Variants in PLCD3 observed in about 807,000 individuals in gnomAD.
PLCD3 encodes the protein 1-phosphatidylinositol 4,5-bisphosphate phosphodiesterase delta-3.
PLCD3 carries 62 observed loss-of-function variants against 82.8 expected under a neutral mutation model. The ratio of observed to expected loss-of-function variants is 0.75; its 90% CI spans 0.61 to 0.93. The LOEUF (loss-of-function observed/expected upper bound fraction) is 0.93. PLCD3 is among the 40% of genes least tolerant of loss of function. The pLI is 0.00. For synonymous variants in PLCD3, 478 were observed against 471.8 expected (o/e 1.01, Z -0.17); for missense variants, 1,023 against 1,103.4 (o/e 0.93, Z 1.03).
chr17:45,121,329 G>C lies in PLCD3; in HGVS notation c.207C>G (p.Ser69=). 6.4e-7 allele frequency: 1 copy of C among 1,556,448 alleles called. No homozygotes were observed. The highest frequency in any genetic ancestry group is 8.6e-7 in the Non-Finnish European group (1 of 1,159,814). Reference sequence around the variant, plus strand: ...TGCGCGAGCGGATCTTGCGGAGCCGGGAGCCCCGCAGCATGGCGCGCACGT... The same window carrying C: ...TGCGCGAGCGGATCTTGCGGAGCCGCGAGCCCCGCAGCATGGCGCGCACGT... ...DEDVRAMLRG[S]RLRKIRSRTW... is the part of the protein sequence containing the mutation. The change falls in exon 2 of 15, where the codon TCC becomes TCG. Residue 69 remains serine, a synonymous_variant. Coordinates refer to ENST00000619929, the MANE Select transcript of PLCD3 (RefSeq NM_133373.5).
In PLCD3 at chr17:45,118,878, C is replaced by T. The variant is rs751386305; in HGVS notation, c.850G>A (p.Glu284Lys). The T allele has an allele frequency of 3.7e-6, 6 of 1,612,186 alleles. No individual in the cohort carries two copies. The African/African-American group carries it at 5.3e-5, about 14-fold the overall frequency. The change falls in exon 5 of 15, where the codon GAG (glutamate) becomes AAG (lysine). Residue 284 changes from glutamate to lysine, a missense_variant. Coordinates refer to ENST00000619929, the MANE Select transcript of PLCD3 (RefSeq NM_133373.5). This position sits in a 1 kb window ranked among gnomAD's most constrained non-coding sequence, Gnocchi z 4.1. ...ELLEFLEDQGEEGATLARAQQ... is the reference protein window; with the variant it reads ...ELLEFLEDQGKEGATLARAQQ... ...GCGCGGGCCAGTGTGGCGCCCTCCT[C>T]GCCCTGGTCCTCCAGGAACTCCAGC...
intron 4 of PLCD3, among the ~76,000 whole-genome samples, chr17:45,119,979 C>A (rs1178895226): frequency 2.6e-5 from 4 of 152,258 alleles, no homozygotes; most frequent in Non-Finnish European, 4.4e-5. Flanking sequence ...TGTATCCGTG[C>A]ACATGCACAC....
chr17:45,114,518 G>A (rs1567877703), intron 10 of PLCD3, 152 bp from the exon 11 acceptor site: 3 of 574,978 alleles, frequency 5.2e-6, no homozygotes, highest in East Asian at 6.7e-5. Context: ...TGAGAGGGGA[G>A]CTCACTGAGG....
Position 45,120,201 on chromosome 17 carries a change from G to C in PLCD3, c.684+124C>G, listed in dbSNP as rs1427470587. On this transcript the variant is annotated intron_variant, in intron 4 of 14. Coordinates refer to ENST00000619929, the MANE Select transcript of PLCD3 (RefSeq NM_133373.5). The stretch of plus-strand genomic sequence containing the variant: ...AGATGTTGCCTTTGTGCAGGGAAAG[G>C]CTGCTCGCTCCAAAAAAGCTGCAGG... The C allele has an allele frequency of 5.3e-6, 7 of 1,332,978 alleles. No individual in the cohort carries two copies. In the African/African-American group the frequency reaches 8.7e-5, roughly 17 times the overall value. The allele number at this position is 1,332,978 out of a possible 1,614,324, so 82.6% of individuals were successfully genotyped here. A position where few individuals can be genotyped will look rare whatever the true frequency, so the allele number is the denominator to read the frequency against.
At chr17:45,114,431 G>A in intron 10 of PLCD3, 65 bp from the exon 11 acceptor site, 3 of 1,327,574 alleles carry the variant, frequency 2.3e-6, no homozygotes, top group African/African-American at 1.5e-5. Context: ...GCCCCGGCCT[G>A]TAACCTCCAG....
At position 45,113,512 on chromosome 17, in the gene PLCD3, G is replaced by A. The variant is rs1393666351; in HGVS notation, c.1922C>T (p.Ala641Val). The stretch of plus-strand genomic sequence containing the variant: ...GGTCGAGTCAGGTTGCCGCAGGCAG[G>A]CAGGTTTTAGGACGTAGCCACACTG... The part of the protein sequence containing the change: ...NGQCGYVLKP[A>V]CLRQPDSTFD... The change falls in exon 12 of 15, where the codon GCC becomes GTC. Residue 641 changes from alanine to valine, a missense_variant. Physicochemically the swap from Ala to Val is moderately conservative, Grantham distance 64. Transcript: ENST00000619929. 1 of 1,583,492 alleles carries A rather than the reference G, an allele frequency of 6.3e-7. No individual in the cohort carries two copies. The highest frequency in any genetic ancestry group is 8.6e-7 in the Non-Finnish European group (1 of 1,165,166).
intron 7 of PLCD3, 36 bp from the exon 8 acceptor site, chr17:45,116,820 C>T (rs1469334171): frequency 6.6e-7 from 1 of 1,518,448 alleles, no homozygotes; most frequent in Non-Finnish European, 8.8e-7. Context: ...GAGCCACTCC[C>T]CTCCCTCTGC....
chr17:45,115,366 T>C lies in PLCD3; in HGVS notation c.1538A>G (p.Glu513Gly), dbSNP rs993425523. The C allele has an allele frequency of 1.5e-6, 2 of 1,369,858 alleles. No homozygotes were observed. The highest frequency in any genetic ancestry group is 3.5e-5 in the African/African-American group (2 of 57,802). 84.9% of individuals were successfully genotyped at this position (1,369,858 alleles called of 1,614,324 possible). The change falls in exon 9 of 15, where the codon GAG becomes GGG. Residue 513 changes from glutamate to glycine, a missense_variant. Transcript: ENST00000619929. ...EDDEEEEEEVEAAAQRRLAKQ... is the reference protein window; with the variant it reads ...EDDEEEEEEVGAAAQRRLAKQ... ...CACCAGCCGCCTCTGCGCTGCAGCCTCCACCTCCTCTTCTTCCTCCTCGTC... is the reference window on the plus strand; with the variant it reads ...CACCAGCCGCCTCTGCGCTGCAGCCCCCACCTCCTCTTCTTCCTCCTCGTC...
At chr17:45,123,594 C>G (rs1598034528) in intron 1 of PLCD3, among the ~76,000 whole-genome samples, 1 of 152,190 alleles carries the variant, frequency 6.6e-6, no homozygotes, top group African/African-American at 2.4e-5. Context: ...CAGGGTTTCT[C>G]AACCTTAGCT....
In PLCD3 at chr17:45,118,416, G is replaced by A. The variant is rs767533423; in HGVS notation, c.990C>T (p.Asn330=). The A allele has an allele frequency of 3.7e-6, 6 of 1,613,938 alleles. No homozygotes were observed. In the African/African-American group the frequency reaches 4.0e-5, roughly 11 times the overall value. The change falls in exon 6 of 15, where the codon AAC becomes AAT. Residue 330 remains asparagine, a synonymous_variant. Coordinates refer to ENST00000619929, the MANE Select transcript of PLCD3 (RefSeq NM_133373.5). The surrounding 1 kb of genome is among the most constrained non-coding windows in gnomAD (Gnocchi z 4.1). The stretch of plus-strand genomic sequence containing the variant: ...TGTCCTGGAACACACACGTGTGGGT[G>A]TTGTCCAAGGCAGCCCCCTCCGGCG... The part of the protein sequence containing the change: ...LLSPEGAALD[N]THTCVFQDMN...
rs1004756449 is a variant in PLCD3, at chr17:45,111,949, G to A, written c.*667C>T. 2 of 152,186 alleles carry A rather than the reference G, an allele frequency of 1.3e-5. No individual in the cohort carries two copies. Among genetic ancestry groups the A allele is most frequent in the African/African-American group, 4.9e-5 (2 of 41,148 alleles). 9.4% of individuals were successfully genotyped at this position (152,186 alleles called of 1,614,324 possible). A position where few individuals can be genotyped will look rare whatever the true frequency, so the allele number is the denominator to read the frequency against. ...GCTACTCAGGAGGCTGAGATGGGAGGATCGCTTGAGCCTGGGAGTTCAAAG... is the reference window on the plus strand; with the variant it reads ...GCTACTCAGGAGGCTGAGATGGGAGAATCGCTTGAGCCTGGGAGTTCAAAG... On this transcript the variant is annotated 3_prime_UTR_variant, in exon 15 of 15. Coordinates refer to ENST00000619929, the MANE Select transcript of PLCD3 (RefSeq NM_133373.5).
intron 12 of PLCD3, 53 bp downstream of exon 12, chr17:45,113,386 G>T: frequency 6.4e-7 from 1 of 1,561,624 alleles, no homozygotes. Context: ...CTCACAAAGA[G>T]CCTTTCTAGA....
intron 8 of PLCD3, 161 bp from the exon 9 acceptor site, chr17:45,115,651 G>C: frequency 1.5e-6 from 1 of 654,634 alleles, no homozygotes; most frequent in Non-Finnish European, 2.6e-6. Context: ...AAAGAGTGGA[G>C]AATGGCCCGG....
At position 45,118,803 on chromosome 17, in the gene PLCD3, C is replaced by T. The variant is rs192936753; in HGVS notation, c.913+12G>A. 69 of 1,592,058 alleles carry T rather than the reference C, an allele frequency of 4.3e-5. 1 individual carries two copies. The Admixed American group carries it at 7.1e-4, about 16-fold the overall frequency. On this transcript the variant is annotated intron_variant, in intron 5 of 14. Transcript: ENST00000619929. This position sits in a 1 kb window ranked among gnomAD's most constrained non-coding sequence, Gnocchi z 4.1. ...TTCAGGTGCCACGACCTGGCCGTGC[C>T]ACCCCCCCCACCTGTCTCGTTGAGC...
In PLCD3 at chr17:45,111,760, C is replaced by T. The variant is rs2054244153; in HGVS notation, c.*856G>A. On this transcript the variant is annotated 3_prime_UTR_variant, in exon 15 of 15. Coordinates refer to ENST00000619929, the MANE Select transcript of PLCD3 (RefSeq NM_133373.5). ...CCTACGGCCAGGCCAGGCAGTGGCT[C>T]ACACCTGTAATCCCAGCACTTTGGA... 1.3e-5 allele frequency: 2 copies of T among 152,434 alleles called. No homozygotes were observed. Among genetic ancestry groups the T allele is most frequent in the African/African-American group, 4.8e-5 (2 of 41,440 alleles). 9.4% of individuals were successfully genotyped at this position (152,434 alleles called of 1,614,324 possible). A position where few individuals can be genotyped will look rare whatever the true frequency, so the allele number is the denominator to read the frequency against.
chr17:45,126,237 G>A (rs941598966), intron 1 of PLCD3, among the ~76,000 whole-genome samples: 1 of 151,796 alleles, frequency 6.6e-6, no homozygotes, highest in African/African-American at 2.4e-5. Context: ...TAGTAGAGAC[G>A]GGGTTTCACC....
At position 45,120,886 on chromosome 17, in the gene PLCD3, A is replaced by C; in HGVS notation, c.554+16T>G. ...CTCCAAGGATGGGGCCCTCCCTCCC[A>C]GCCCCGGCAGGATATTGGTCTAGCC... On this transcript the variant is annotated intron_variant, in intron 3 of 14. Transcript: ENST00000619929. 1.4e-6 allele frequency: 2 copies of C among 1,414,218 alleles called. No homozygotes were observed. The highest frequency in any genetic ancestry group is 1.8e-6 in the Non-Finnish European group (2 of 1,089,300). The allele number at this position is 1,414,218 out of a possible 1,614,324, so 87.6% of individuals were successfully genotyped here.
Position 45,118,272 on chromosome 17 carries a change from T to A in PLCD3, c.1115+19A>T. 6.2e-7 allele frequency: 1 copy of A among 1,613,748 alleles called. No individual in the cohort carries two copies. The highest frequency in any genetic ancestry group is 8.5e-7 in the Non-Finnish European group (1 of 1,179,742). ...CCCCAGGTGGGGCTCCCGGAAACAT[T>A]CACCCCCTGCTACAGTACCTAACAT... On this transcript the variant is annotated intron_variant, in intron 6 of 14. Coordinates refer to ENST00000619929, the MANE Select transcript of PLCD3 (RefSeq NM_133373.5). The surrounding 1 kb of genome is among the most constrained non-coding windows in gnomAD (Gnocchi z 4.1).
Position 45,113,165 on chromosome 17 carries a change from G to A in PLCD3, c.2088C>T (p.Pro696=), listed in dbSNP as rs373081613. 133 of 1,612,964 alleles carry A rather than the reference G, an allele frequency of 8.2e-5. No individual in the cohort carries two copies. The African/African-American group carries it at 1.2e-3, about 14-fold the overall frequency. Residue 696 remains proline, a synonymous_variant, in exon 13 of 15, where the codon CCC becomes CCT. Coordinates refer to ENST00000619929, the MANE Select transcript of PLCD3 (RefSeq NM_133373.5). ...PLVRIEIHGV[P]ADCARQETDY... is the part of the protein sequence containing the mutation. Reference sequence around the variant, plus strand: ...CAGTCTCCTGCCGGGCACAGTCTGCGGGCACCCCATGGATCTCAATGCGCA... The same window carrying A: ...CAGTCTCCTGCCGGGCACAGTCTGCAGGCACCCCATGGATCTCAATGCGCA...
Sources: allele counts gnomAD v4.1 joint callset (sites outside exome capture counted in the v4.1 genomes callset), GRCh38; gene constraint gnomAD v4.1.1; non-coding constraint Gnocchi (gnomAD v3.1); transcripts MANE v1.5; gene names NCBI Gene and HGNC (gene_info 2026-07-23, HGNC 2026-07-21).